ANKRD53: variants seen among roughly 807,000 people sequenced by gnomAD.
ANKRD53 encodes the protein ankyrin repeat domain-containing protein 53.
Under a neutral mutation model 30.1 loss-of-function variants are expected in ANKRD53, and 27 were observed. The ratio of observed to expected loss-of-function variants is 0.90; its 90% CI spans 0.66 to 1.24. ANKRD53 has a LOEUF of 1.24. ANKRD53 is among the 50% of genes most tolerant of loss of function. The pLI is 0.00. For missense variants in ANKRD53, 682 were observed against 721.0 expected (o/e 0.95, Z 0.62); for synonymous variants, 286 against 295.4 (o/e 0.97, Z 0.33).
In ANKRD53 at chr2:70,985,073, C is replaced by T. The variant is rs1553424566; in HGVS notation, c.1366C>T (p.Leu456=). 2.1e-5 allele frequency: 33 copies of T among 1,550,338 alleles called. No individual in the cohort carries two copies. The Admixed American group carries it at 4.3e-4, about 20-fold the overall frequency. Residue 456 remains leucine, a synonymous_variant, in exon 6 of 6, where the codon CTG becomes TTG. Transcript: ENST00000360589. Reference sequence around the variant, plus strand: ...GCCGCGGCTGCCTTTTGAGGTGCTGCTGCGCATGCTGTACCCACGTGTATG... The same window carrying T: ...GCCGCGGCTGCCTTTTGAGGTGCTGTTGCGCATGCTGTACCCACGTGTATG... ...PVPRLPFEVL[L]RMLYPRVWPY... is the part of the protein sequence containing the mutation.
Position 70,984,327 on chromosome 2 carries a change from C to T in ANKRD53, c.904-284C>T, listed in dbSNP as rs562744480. On this transcript the variant is annotated intron_variant, in intron 5 of 5. Coordinates refer to ENST00000360589, the MANE Select transcript of ANKRD53 (RefSeq NM_001115116.2). ...GGAGTCTCACCTAGGGCAGAGGCTACATCTCTCCCATCAGATTGGAGATCC... is the reference window on the plus strand; with the variant it reads ...GGAGTCTCACCTAGGGCAGAGGCTATATCTCTCCCATCAGATTGGAGATCC... 4 of 1,609,298 alleles carry T rather than the reference C, an allele frequency of 2.5e-6. No individual in the cohort carries two copies. In the Admixed American group the frequency reaches 5.1e-5, roughly 21 times the overall value.
chr2:70,979,871 C>G lies in ANKRD53; in HGVS notation c.617+11C>G. ...CGCAGACCTCAATGCGTGAGTCCAGCCTGCTTCAGGAGGGAGGCTTCGGGC... is the reference window on the plus strand; with the variant it reads ...CGCAGACCTCAATGCGTGAGTCCAGGCTGCTTCAGGAGGGAGGCTTCGGGC... On this transcript the variant is annotated intron_variant, in intron 3 of 5. Coordinates refer to ENST00000360589, the MANE Select transcript of ANKRD53 (RefSeq NM_001115116.2). 1 of 1,614,172 alleles carries G rather than the reference C, an allele frequency of 6.2e-7. No homozygotes were observed. Among genetic ancestry groups the G allele is most frequent in the Non-Finnish European group, 8.5e-7 (1 of 1,180,032 alleles).
In ANKRD53 at chr2:70,979,081, C is replaced by G; in HGVS notation, c.171-16C>G. 1.3e-6 allele frequency: 2 copies of G among 1,568,848 alleles called. No homozygotes were observed. Among genetic ancestry groups the G allele is most frequent in the Non-Finnish European group, 1.7e-6 (2 of 1,162,806 alleles). On this transcript the variant is annotated splice_polypyrimidine_tract_variant and intron_variant, in intron 1 of 5. Coordinates refer to ENST00000360589, the MANE Select transcript of ANKRD53 (RefSeq NM_001115116.2). ...GCCGTGGCCCAGAGTCGCTTCCCCACTGCCCCGCCCTCCAGCCAGCCCCTG... is the reference window on the plus strand; with the variant it reads ...GCCGTGGCCCAGAGTCGCTTCCCCAGTGCCCCGCCCTCCAGCCAGCCCCTG...
At chr2:70,984,229 G>A (rs1028515948) in intron 5 of ANKRD53, 67 of 1,614,052 alleles carry the variant, frequency 4.2e-5, no homozygotes, top group Non-Finnish European at 5.3e-5. Context: ...TTCCTTTGGA[G>A]AAGAAGGGAA....
Position 70,979,295 on chromosome 2 carries a change from GC to G in ANKRD53, c.370del (p.Arg124AspfsTer4). 6.2e-6 allele frequency: 10 copies of G among 1,613,682 alleles called. No individual in the cohort carries two copies. Among genetic ancestry groups the G allele is most frequent in the Non-Finnish European group, 8.5e-6 (10 of 1,180,046 alleles). ...AAAVGNVEWL[R>X]FCLNQSLREI... ...CGGCTGTGGGCAACGTGGAATGGCT[GC>G]GATTCTGTCTGAACCAGAGCCTCAG... On this transcript the variant is annotated frameshift_variant, in exon 2 of 6. Transcript: ENST00000360589. LOFTEE classifies it high-confidence loss of function.
Position 70,982,668 on chromosome 2 carries a change from A to G in ANKRD53, c.874A>G (p.Met292Val), listed in dbSNP as rs149422719. 6.2e-7 allele frequency: 1 copy of G among 1,614,124 alleles called. No individual in the cohort carries two copies. The highest frequency in any genetic ancestry group is 2.2e-5 in the East Asian group (1 of 44,864). The change falls in exon 5 of 6, where the codon ATG (methionine) becomes GTG (valine). Residue 292 changes from methionine to valine, a missense_variant. By Grantham distance (21) the Met-to-Val change is conservative. Coordinates refer to ENST00000360589, the MANE Select transcript of ANKRD53 (RefSeq NM_001115116.2). This position sits in a 1 kb window ranked among gnomAD's most constrained non-coding sequence, Gnocchi z 4.2. ...GATGTTCAAGAGCCAGCTGACCCTC[A>G]TGGAGCACAACTACCTGATTGAGTA... ...MKMFKSQLTL[M>V]EHNYLIEYQK...
At position 70,984,863 on chromosome 2, in the gene ANKRD53, T is replaced by A; in HGVS notation, c.1156T>A (p.Trp386Arg). ...RKPTVKRPTMWNVSNNPARPP... is the reference protein window; with the variant it reads ...RKPTVKRPTMRNVSNNPARPP... ...GCCCACGGTCAAGCGGCCCACAATG[T>A]GGAATGTTAGCAACAACCCCGCCAG... Residue 386 changes from tryptophan to arginine, a missense_variant, in exon 6 of 6, where the codon TGG becomes AGG. Physicochemically the swap from Trp to Arg is moderately radical, Grantham distance 101. Coordinates refer to ENST00000360589, the MANE Select transcript of ANKRD53 (RefSeq NM_001115116.2). 6.4e-7 allele frequency: 1 copy of A among 1,551,336 alleles called. No homozygotes were observed. The highest frequency in any genetic ancestry group is 8.7e-7 in the Non-Finnish European group (1 of 1,147,020).
Position 70,985,142 on chromosome 2 carries a change from A to C in ANKRD53, c.1435A>C (p.Met479Leu). The C allele has an allele frequency of 1.3e-6, 2 of 1,551,322 alleles. No individual in the cohort carries two copies. The highest frequency in any genetic ancestry group is 1.7e-6 in the Non-Finnish European group (2 of 1,146,926). Reference protein sequence around the residue: ...KVPQGFYPISMREVPRKRHLG... With the variant: ...KVPQGFYPISLREVPRKRHLG... The stretch of plus-strand genomic sequence containing the variant: ...GCCCCAGGGCTTTTACCCCATCAGC[A>C]TGAGGGAAGTGCCCAGGAAGCGGCA... The change falls in exon 6 of 6, where the codon ATG becomes CTG. Residue 479 changes from methionine to leucine, a missense_variant. By Grantham distance (15) the Met-to-Leu change is conservative. Transcript: ENST00000360589.
At chr2:70,981,578 C>T (rs1257640610) in intron 3 of ANKRD53, among the ~76,000 whole-genome samples, 1 of 151,958 alleles carries the variant, frequency 6.6e-6, no homozygotes, top group Non-Finnish European at 1.5e-5. Flanking sequence ...GGAGGTTAGG[C>T]CCAGGTCATG....
chr2:70,983,302 C>T (rs1028775928), intron 5 of ANKRD53, among the ~76,000 whole-genome samples: 4 of 152,046 alleles, frequency 2.6e-5, no homozygotes, highest in African/African-American at 7.3e-5. Context: ...AAAGAGCAGC[C>T]GCATGGAAAG....
rs782292317 is a variant in ANKRD53, at chr2:70,984,811, G to A, written c.1104G>A (p.Thr368=). The A allele has an allele frequency of 8.6e-5, 133 of 1,553,530 alleles. No individual in the cohort carries two copies. Among genetic ancestry groups the A allele is most frequent in the African/African-American group, 2.5e-4 (18 of 72,950 alleles). ...DARLQCIPQP[T]EMPKPIYRKP... Reference sequence around the variant, plus strand: ...GCCTGCAATGCATTCCACAGCCCACGGAGATGCCCAAGCCCATCTACAGGA... The same window carrying A: ...GCCTGCAATGCATTCCACAGCCCACAGAGATGCCCAAGCCCATCTACAGGA... The change falls in exon 6 of 6, where the codon ACG becomes ACA. Residue 368 remains threonine, a synonymous_variant. Coordinates refer to ENST00000360589, the MANE Select transcript of ANKRD53 (RefSeq NM_001115116.2).
upstream of ANKRD53, chr2:70,978,575 G>GC (rs1669894653): frequency 2.1e-6 from 3 of 1,409,666 alleles, no homozygotes; most frequent in East Asian, 8.8e-5. This position sits in a 1 kb window ranked among gnomAD's most constrained non-coding sequence, Gnocchi z 4.3. Flanking sequence ...GCAAGGAGTG[G>GC]CCCCCGGGGG....
chr2:70,983,879 C>CA (rs1553424107), intron 5 of ANKRD53, among the ~76,000 whole-genome samples: 3 of 152,180 alleles, frequency 2.0e-5, no homozygotes, highest in Admixed American at 1.3e-4. Flanking sequence ...GGAGCTGGGT[C>CA]AATCTCCAAA....
chr2:70,979,563 G>T, intron 2 of ANKRD53, 98 bp from the exon 3 acceptor site: 1 of 1,429,850 alleles, frequency 7.0e-7, no homozygotes, highest in South Asian at 1.4e-5. Context: ...GGGGACACAG[G>T]GAAGAAAGTG....
chr2:70,985,276 G>A lies in ANKRD53; in HGVS notation c.1569G>A (p.Leu523=), dbSNP rs1419688362. The part of the protein sequence containing the change: ...AVRSHQGLPT[L]PSPQTNP ...GATCTCATCAAGGACTCCCCACCCT[G>A]CCCTCCCCACAAACCAACCCATAAA... Residue 523 remains leucine (L), a synonymous_variant, in exon 6 of 6, where the codon CTG becomes CTA. Transcript: ENST00000360589. 1.5e-6 allele frequency: 2 copies of A among 1,364,056 alleles called. No homozygotes were observed. Among genetic ancestry groups the A allele is most frequent in the Non-Finnish European group, 2.0e-6 (2 of 987,852 alleles). The allele number at this position is 1,364,056 out of a possible 1,614,324, so 84.5% of individuals were successfully genotyped here.
intron 5 of ANKRD53, chr2:70,984,306 T>C (rs781796646): frequency 8.1e-6 from 13 of 1,613,464 alleles, no homozygotes; most frequent in Admixed American, 1.7e-5. Context: ...CAAGTTGGAG[T>C]CTCACCTAGG....
At chr2:70,984,163 C>A (rs1172110728) in intron 5 of ANKRD53, 10 of 1,614,082 alleles carry the variant, frequency 6.2e-6, no homozygotes, top group Admixed American at 1.7e-5. Flanking sequence ...GCCTTTTCCC[C>A]CATCACACCA....
At position 70,982,601 on chromosome 2, in the gene ANKRD53, A is replaced by G. The variant is rs1670043972; in HGVS notation, c.807A>G (p.Lys269=). ...GGTTCTTGAAGGATGCCATGTGGAA[A>G]AAGGACAAGAAGGACTTTGCCCGTG... ...CARFLKDAMW[K]KDKKDFAREM... Residue 269 remains lysine, a synonymous_variant, in exon 5 of 6, where the codon AAA becomes AAG. Coordinates refer to ENST00000360589, the MANE Select transcript of ANKRD53 (RefSeq NM_001115116.2). This position sits in a 1 kb window ranked among gnomAD's most constrained non-coding sequence, Gnocchi z 4.2. 1 of 1,614,032 alleles carries G rather than the reference A, an allele frequency of 6.2e-7. No individual in the cohort carries two copies. Among genetic ancestry groups the G allele is most frequent in the Non-Finnish European group, 8.5e-7 (1 of 1,180,018 alleles).
At chr2:70,984,135 A>G in intron 5 of ANKRD53, 1 of 1,613,762 alleles carries the variant, frequency 6.2e-7, no homozygotes, top group African/African-American at 1.3e-5. Flanking sequence ...TCAAGGATGC[A>G]GTGTGCACTT....
Sources: gnomAD v4.1 joint callset for allele counts (sites outside exome capture counted in the v4.1 genomes callset) on GRCh38, gnomAD v4.1.1 for gene constraint, Gnocchi (gnomAD v3.1) non-coding constraint, MANE v1.5 for transcripts, NCBI Gene and HGNC (gene_info 2026-07-23, HGNC 2026-07-21) for gene names.